Variants in PDE1A observed in about 807,000 individuals in gnomAD.
The protein encoded by PDE1A is dual specificity calcium/calmodulin-dependent 3',5'-cyclic nucleotide phosphodiesterase 1A.
In PDE1A, 35 loss-of-function variants were observed where a neutral mutation model predicts 61.7. The observed-to-expected ratio is 0.57, with a 90% CI of 0.43 to 0.75. The LOEUF is 0.75. Ranked by LOEUF, PDE1A falls within the 30% of genes least tolerant of loss-of-function variation. The probability of loss-of-function intolerance (pLI) is 0.00; values close to 1 mark genes in which losing one functional copy is unlikely to be tolerated. For synonymous variants in PDE1A, 232 were observed against 213.2 expected (o/e 1.09, Z -0.77); for missense variants, 597 against 630.6 (o/e 0.95, Z 0.57).
At chr2:182,597,525 G>A in the PDE1A span, among the ~76,000 whole-genome samples, 5 of 152,234 alleles carry the variant, frequency 3.3e-5, no homozygotes, top group Admixed American at 6.5e-5. Flanking sequence ...GTCCTGGGAG[G>A]GTCCTGAGAG....
At chr2:182,548,246 AG>A in the PDE1A span, among the ~76,000 whole-genome samples, 1 of 152,234 alleles carries the variant, frequency 6.6e-6, no homozygotes. Flanking sequence ...TGTTACTAAC[AG>A]GAAACAGCTG....
At chr2:182,712,477 A>G in the PDE1A span, among the ~76,000 whole-genome samples, 1 of 152,260 alleles carries the variant, frequency 6.6e-6, no homozygotes, top group Non-Finnish European at 1.5e-5. Flanking sequence ...AGAAGTTAAC[A>G]ACTTACTCAC....
At chr2:182,145,285 ATTT>A (rs1690435672), downstream of PDE1A, among the ~76,000 whole-genome samples, 1 of 152,172 alleles carries the variant, frequency 6.6e-6, no homozygotes, top group South Asian at 2.1e-4. Context: ...TGAAGATCAC[ATTT>A]CCCAGAAGAC....
chr2:182,225,708 T>C (rs765020009), intron 6 of PDE1A, among the ~76,000 whole-genome samples: 31 of 139,342 alleles, frequency 2.2e-4, no homozygotes, highest in Non-Finnish European at 4.0e-4. Context: ...CTATCATGTC[T>C]TGTCATATGG....
At chr2:182,528,671 C>G in the PDE1A span, among the ~76,000 whole-genome samples, 1 of 152,136 alleles carries the variant, frequency 6.6e-6, no homozygotes, top group Non-Finnish European at 1.5e-5. Flanking sequence ...CATCACAAGC[C>G]TGGAGGTCTA....
upstream of PDE1A, among the ~76,000 whole-genome samples, chr2:182,524,489 CT>C (rs1233388865): frequency 6.6e-6 from 1 of 152,064 alleles, no homozygotes; most frequent in Non-Finnish European, 1.5e-5. Context: ...TTGCCCTTTG[CT>C]TTCACTATGT....
the PDE1A span, among the ~76,000 whole-genome samples, chr2:182,559,111 C>T: frequency 1.3e-5 from 2 of 152,226 alleles, no homozygotes; most frequent in East Asian, 3.9e-4. Context: ...ATCTTGACTC[C>T]TTATATTTGC....
chr2:182,542,714 G>C, the PDE1A span, among the ~76,000 whole-genome samples: 2 of 152,070 alleles, frequency 1.3e-5, no homozygotes. Flanking sequence ...ACGGGTTTAC[G>C]TCAACGAATG....
At chr2:182,187,384 G>T (rs1453846141) in intron 11 of PDE1A, among the ~76,000 whole-genome samples, 1 of 152,110 alleles carries the variant, frequency 6.6e-6, no homozygotes, top group Non-Finnish European at 1.5e-5. Context: ...CTATTCTAAG[G>T]TCTGTGTACA....
chr2:182,668,772 T>A, the PDE1A span, among the ~76,000 whole-genome samples: 1 of 152,166 alleles, frequency 6.6e-6, no homozygotes, highest in Non-Finnish European at 1.5e-5. Flanking sequence ...GCACTCACCA[T>A]TTCCTGGCTC....
At chr2:182,453,322 AT>A (rs986715356) in intron 2 of PDE1A, among the ~76,000 whole-genome samples, 5 of 151,578 alleles carry the variant, frequency 3.3e-5, no homozygotes, top group African/African-American at 1.2e-4. Flanking sequence ...GATGCAGGCC[AT>A]TTTTTTTCTC....
chr2:182,664,123 G>A, the PDE1A span, among the ~76,000 whole-genome samples: 3 of 152,114 alleles, frequency 2.0e-5, no homozygotes, highest in African/African-American at 2.4e-5. Flanking sequence ...GCTACAGTGA[G>A]AATTTTTACA....
the PDE1A span, among the ~76,000 whole-genome samples, chr2:182,653,995 A>G: frequency 6.6e-6 from 1 of 152,216 alleles, no homozygotes; most frequent in Non-Finnish European, 1.5e-5. Flanking sequence ...ATGATCTGTG[A>G]AATATTAAAA....
chr2:182,209,461 C>G (rs574270463), intron 7 of PDE1A, among the ~76,000 whole-genome samples: 1 of 151,490 alleles, frequency 6.6e-6, no homozygotes, highest in East Asian at 2.0e-4. Flanking sequence ...TATTATGAGC[C>G]AAATGTTGAT....
chr2:182,209,483 A>T (rs1452447027), intron 7 of PDE1A, among the ~76,000 whole-genome samples: 3 of 151,468 alleles, frequency 2.0e-5, no homozygotes, highest in Non-Finnish European at 4.4e-5. Context: ...ACAATTCAAC[A>T]TGAGATTTGG....
the PDE1A span, among the ~76,000 whole-genome samples, chr2:182,661,764 C>A: frequency 6.6e-6 from 1 of 151,954 alleles, no homozygotes; most frequent in African/African-American, 2.4e-5. Flanking sequence ...CAATAAATAG[C>A]TGTATAATAT....
chr2:182,363,590 G>A lies in PDE1A; in HGVS notation c.53+62988C>T, dbSNP rs141090365. On this transcript the variant is annotated intron_variant, in intron 1 of 13. Transcript: ENST00000351439. ...GTTCCAGGCAGAGGGAGTAACACACGCCAAAATTCTAAGTGGTGATGAAGC... is the reference window on the plus strand; with the variant it reads ...GTTCCAGGCAGAGGGAGTAACACACACCAAAATTCTAAGTGGTGATGAAGC... Among the ~76,000 whole-genome samples the A allele has an allele frequency of 9.9e-5, 15 of 152,086 alleles. No individual in the cohort carries two copies. In the East Asian group the frequency reaches 2.7e-3, roughly 27 times the overall value.
chr2:182,710,823 C>T, the PDE1A span, among the ~76,000 whole-genome samples: 1 of 152,066 alleles, frequency 6.6e-6, no homozygotes, highest in Non-Finnish European at 1.5e-5. Flanking sequence ...ACATGAGTTC[C>T]ACATTTTTCT....
At chr2:182,536,932 C>A in the PDE1A span, among the ~76,000 whole-genome samples, 116 of 152,262 alleles carry the variant, frequency 7.6e-4, no homozygotes, top group Non-Finnish European at 1.2e-3. Flanking sequence ...AGGAGACCCA[C>A]GTGTTCTAGT....
Sources: allele counts gnomAD v4.1 joint callset (sites outside exome capture counted in the v4.1 genomes callset), GRCh38; gene constraint gnomAD v4.1.1; transcripts MANE v1.5; gene names NCBI Gene and HGNC (gene_info 2026-07-23, HGNC 2026-07-21).